The following LIPE variants were observed in gnomAD, a reference collection of about 807,000 sequenced individuals.
The protein encoded by LIPE is hormone-sensitive lipase.
LIPE carries 66 observed loss-of-function variants against 88.5 expected under a neutral mutation model. That is an observed-to-expected ratio of 0.75 (90% CI 0.61 to 0.91). The LOEUF (loss-of-function observed/expected upper bound fraction) is 0.91. Among genes scored for constraint, LIPE ranks in the 40% least tolerant of loss-of-function variants. The pLI is 0.00. For synonymous variants in LIPE, 570 were observed against 617.5 expected (o/e 0.92, Z 1.14); for missense variants, 1,346 against 1,434.7 (o/e 0.94, Z 1.00).
At position 42,406,106 on chromosome 19, in the gene LIPE, GCAGGAGT is replaced by G; in HGVS notation, c.2365+48_2365+54del. On this transcript the variant is annotated intron_variant, in intron 7 of 9. Transcript: ENST00000244289. This position sits in a 1 kb window ranked among gnomAD's most constrained non-coding sequence, Gnocchi z 5.7. Reference sequence around the variant, plus strand: ...GAGTCCTGGTCCCCAGCCCGTCCCTGCAGGAGTCAGACATCCATGCAGTCCTGTTTCC... The same window carrying G: ...GAGTCCTGGTCCCCAGCCCGTCCCTGCAGACATCCATGCAGTCCTGTTTCC... 6.8e-7 allele frequency: 1 copy of G among 1,480,584 alleles called. No homozygotes were observed. 91.7% of individuals were successfully genotyped at this position (1,480,584 alleles called of 1,614,324 possible). A position where few individuals can be genotyped will look rare whatever the true frequency, so the allele number is the denominator to read the frequency against.
chr19:42,426,936 G>A lies in LIPE; in HGVS notation c.214C>T (p.Gln72Ter). 4 of 1,614,104 alleles carry A rather than the reference G, an allele frequency of 2.5e-6. No homozygotes were observed. Among genetic ancestry groups the A allele is most frequent in the Non-Finnish European group, 3.4e-6 (4 of 1,180,010 alleles). Reference sequence around the variant, plus strand: ...TTTTGTTGGGCTCTAGGTTCCTTCTGGGATTCAGCATCATGTTGTGCAGGG... The same window carrying A: ...TTTTGTTGGGCTCTAGGTTCCTTCTAGGATTCAGCATCATGTTGTGCAGGG... The part of the protein sequence containing the change: ...ETPAQHDAES[Q>*]KEPRAQQKSA... Residue 72 changes from glutamine to a stop codon, truncating the protein, a stop_gained, in exon 1 of 10, where the codon CAG becomes TAG. Coordinates refer to ENST00000244289, the MANE Select transcript of LIPE (RefSeq NM_005357.4). LOFTEE classifies it high-confidence loss of function.
Position 42,408,824 on chromosome 19 carries a change from T to C in LIPE, c.1420-502A>G, listed in dbSNP as rs1600120248. ...GGGCGACAGAGCGAGACTCTGTCTC[T>C]AAAAAAAAAAAAAGGTGAGCTCATG... On this transcript the variant is annotated intron_variant, in intron 2 of 9. Transcript: ENST00000244289. This position sits in a 1 kb window ranked among gnomAD's most constrained non-coding sequence, Gnocchi z 4.3. Among the ~76,000 whole-genome samples, 1 of 136,846 alleles carries C rather than the reference T, an allele frequency of 7.3e-6. No homozygotes were observed. The highest frequency in any genetic ancestry group is 2.3e-4 in the South Asian group (1 of 4,272). The allele number at this position is 136,846 out of a possible 152,430, so 89.8% of individuals were successfully genotyped here. A position where few individuals can be genotyped will look rare whatever the true frequency, so the allele number is the denominator to read the frequency against.
chr19:42,423,389 C>A (rs1378536933), intron 1 of LIPE: 1 of 1,287,494 alleles, frequency 7.8e-7, no homozygotes, highest in Non-Finnish European at 1.0e-6. Context: ...GAGGTTCCTT[C>A]CGGGCTGCTG....
At chr19:42,426,171 C>T (rs1455068273) in intron 1 of LIPE, 96 bp downstream of exon 1, 4 of 971,092 alleles carry the variant, frequency 4.1e-6, no homozygotes, top group Non-Finnish European at 5.8e-6. Context: ...TGAAGGATGA[C>T]CAGAGCTAAC....
chr19:42,411,208 G>A, intron 1 of LIPE: 2 of 664,098 alleles, frequency 3.0e-6, no homozygotes, highest in Non-Finnish European at 3.7e-6. Flanking sequence ...TGCTGCCCTG[G>A]CCTCCTGAAT....
chr19:42,403,198 A>T, intron 8 of LIPE, 167 bp from the exon 9 acceptor site: 9 of 510,210 alleles, frequency 1.8e-5, no homozygotes, highest in East Asian at 4.2e-5. Context: ...CCAGGTGGTC[A>T]TGGTGGGGGT....
In LIPE at chr19:42,425,043, AAC is replaced by A. The variant is rs2040682923; in HGVS notation, c.883+1222_883+1223del. 1.3e-5 allele frequency: 3 copies of A among 232,900 alleles called. No individual in the cohort carries two copies. In the South Asian group the frequency reaches 1.6e-4, roughly 12 times the overall value. 14.4% of individuals were successfully genotyped at this position (232,900 alleles called of 1,614,324 possible). ...TCTCTCCCGGCTCCTCCTTGCTGAG[AAC>A]ACAACCCGCAAGGCCCTTCCGCCTG... On this transcript the variant is annotated intron_variant, in intron 1 of 9. Coordinates refer to ENST00000244289, the MANE Select transcript of LIPE (RefSeq NM_005357.4).
chr19:42,407,228 G>T lies in LIPE; in HGVS notation c.2083C>A (p.Leu695Met). ...CAGTAGGCGAAGAAGCACTCCTCCA[G>T]CGCACGGGGGAAGGGGGCCTCAGGG... Reference protein sequence around the residue: ...LAPEAPFPRALEECFFAYCWA... With the variant: ...LAPEAPFPRAMEECFFAYCWA... Residue 695 changes from leucine to methionine, a missense_variant, in exon 6 of 10, where the codon CTG (leucine) becomes ATG (methionine). By Grantham distance (15) the Leu-to-Met change is conservative. Coordinates refer to ENST00000244289, the MANE Select transcript of LIPE (RefSeq NM_005357.4). The surrounding 1 kb of genome is among the most constrained non-coding windows in gnomAD (Gnocchi z 5.8). The T allele has an allele frequency of 6.4e-7, 1 of 1,570,528 alleles. No homozygotes were observed.
chr19:42,415,407 G>A lies in LIPE; in HGVS notation c.884-4565C>T, dbSNP rs192838544. On this transcript the variant is annotated intron_variant, in intron 1 of 9. Transcript: ENST00000244289. ...GGAAGGCATGTCCAGTGCTGAAACG[G>A]GCTAAAAACTAGGCCTCTTCTGCCA... 2.4e-3 allele frequency among the ~76,000 whole-genome samples: 361 copies of A among 152,256 alleles called. 2 individuals carry two copies. Among genetic ancestry groups the A allele is most frequent in the Non-Finnish European group, 4.7e-3 (318 of 68,024 alleles).
chr19:42,405,387 G>C lies in LIPE; in HGVS notation c.2540C>G (p.Ala847Gly). ...TGTGACGGGAGTGAATCACTCACCT[G>C]CTATGGGCTCCGACATCTTCTGGGA... ...RKSQKMSEPIAEPMRRSVSEA... is the reference protein window; with the variant it reads ...RKSQKMSEPIGEPMRRSVSEA... Residue 847 changes from alanine (A) to glycine (G), a missense_variant and splice_region_variant, in exon 8 of 10, where the codon GCA becomes GGA. Transcript: ENST00000244289. The C allele has an allele frequency of 1.9e-6, 3 of 1,612,730 alleles. No individual in the cohort carries two copies. The South Asian group carries it at 3.3e-5, about 18-fold the overall frequency.
In LIPE at chr19:42,401,704, C is replaced by A; in HGVS notation, c.*108G>T. On this transcript the variant is annotated 3_prime_UTR_variant, in exon 10 of 10. Transcript: ENST00000244289. ...GGGTCTCAGCTTTCGGGCCCCCGCC[C>A]CGCCCCCTTGCCACCCCCGACTTAA... The A allele has an allele frequency of 3.3e-6, 1 of 305,962 alleles. No homozygotes were observed. Among genetic ancestry groups the A allele is most frequent in the East Asian group, 7.0e-5 (1 of 14,272 alleles). The allele number at this position is 305,962 out of a possible 1,614,324, so 19.0% of individuals were successfully genotyped here.
Position 42,401,585 on chromosome 19 carries a change from G to C in LIPE, c.*227C>G. The C allele has an allele frequency of 1.6e-5, 8 of 504,946 alleles. No individual in the cohort carries two copies. Among genetic ancestry groups the C allele is most frequent in the East Asian group, 7.0e-5 (2 of 28,686 alleles). 31.3% of individuals were successfully genotyped at this position (504,946 alleles called of 1,614,324 possible). The stretch of plus-strand genomic sequence containing the variant: ...AGGGCCAGTCCCCGTCCCTGCGGCG[G>C]TCGCCGCAGCAGCAGCAGCAAAAGG... On this transcript the variant is annotated 3_prime_UTR_variant, in exon 10 of 10. Transcript: ENST00000244289.
chr19:42,424,306 A>T (rs1386460999), intron 1 of LIPE: 1 of 461,842 alleles, frequency 2.2e-6, no homozygotes, highest in Admixed American at 2.3e-5. Context: ...TGCTTGAGAA[A>T]TGGCGGGAAA....
In LIPE at chr19:42,423,748, A is replaced by G. The variant is rs1017854064; in HGVS notation, c.883+2519T>C. Reference sequence around the variant, plus strand: ...AATTTAAGATCTGGCTCCGCCCCCTACCGCGCATTAAAGGGCTCGCGGCCA... The same window carrying G: ...AATTTAAGATCTGGCTCCGCCCCCTGCCGCGCATTAAAGGGCTCGCGGCCA... On this transcript the variant is annotated intron_variant, in intron 1 of 9. Coordinates refer to ENST00000244289, the MANE Select transcript of LIPE (RefSeq NM_005357.4). 1.2e-5 allele frequency: 14 copies of G among 1,120,216 alleles called. No individual in the cohort carries two copies. The African/African-American group carries it at 2.4e-4, about 19-fold the overall frequency. The allele number at this position is 1,120,216 out of a possible 1,614,324, so 69.4% of individuals were successfully genotyped here.
chr19:42,408,176 G>A lies in LIPE; in HGVS notation c.1511-55C>T, dbSNP rs1173631583. The A allele has an allele frequency of 1.9e-6, 3 of 1,613,730 alleles. No individual in the cohort carries two copies. The highest frequency in any genetic ancestry group is 1.7e-6 in the Non-Finnish European group (2 of 1,179,756). On this transcript the variant is annotated intron_variant, in intron 3 of 9. Coordinates refer to ENST00000244289, the MANE Select transcript of LIPE (RefSeq NM_005357.4). The surrounding 1 kb of genome is among the most constrained non-coding windows in gnomAD (Gnocchi z 4.3). ...CCAGTGGGTCAGGCTGCTTGGGCAG[G>A]AGTGGGGAGGAGGGCCAAGAGAGTA...
intron 1 of LIPE, among the ~76,000 whole-genome samples, chr19:42,418,789 G>A (rs1201882817): frequency 6.6e-6 from 1 of 152,192 alleles, no homozygotes; most frequent in African/African-American, 2.4e-5. Context: ...ACTTTATCAA[G>A]TGGTCTGGAA....
At chr19:42,412,844 C>T (rs534242383) in intron 1 of LIPE, among the ~76,000 whole-genome samples, 1 of 152,338 alleles carries the variant, frequency 6.6e-6, no homozygotes, top group South Asian at 2.1e-4. Context: ...GCACAGCCAG[C>T]CCCAGCTGTT....
At position 42,425,389 on chromosome 19, in the gene LIPE, A is replaced by C. The variant is rs181771933; in HGVS notation, c.883+878T>G. ...ATTTGATTTTCCCCAAATCCTCTAT[A>C]GGGAGGCAGCCTGGTCCAGGGGAGA... On this transcript the variant is annotated intron_variant, in intron 1 of 9. Transcript: ENST00000244289. Among the ~76,000 whole-genome samples the C allele has an allele frequency of 2.9e-3, 441 of 152,228 alleles. 6 individuals are homozygous for C. Among genetic ancestry groups the C allele is most frequent in the South Asian group, 0.021 (99 of 4,816 alleles).
rs1303390811 is a variant in LIPE, at chr19:42,426,897, C to T, written c.253G>A (p.Glu85Lys). 2 of 1,614,160 alleles carry T rather than the reference C, an allele frequency of 1.2e-6. No homozygotes were observed. The highest frequency in any genetic ancestry group is 1.3e-5 in the African/African-American group (1 of 75,034). Residue 85 changes from glutamate (E) to lysine (K), a missense_variant, in exon 1 of 10, where the codon GAG (glutamate) becomes AAG (lysine). Transcript: ENST00000244289. ...GGCTTCTGTGGGGCAAGAAATTCCT[C>T]TTGTGAAGCAGATTTTTGTTGGGCT... ...PRAQQKSASQ[E>K]EFLAPQKPAP...
Sources: gnomAD v4.1 joint callset for allele counts (sites outside exome capture counted in the v4.1 genomes callset) on GRCh38, gnomAD v4.1.1 for gene constraint, Gnocchi (gnomAD v3.1) non-coding constraint, MANE v1.5 for transcripts, NCBI Gene and HGNC (gene_info 2026-07-23, HGNC 2026-07-21) for gene names.